MGA: variants seen among roughly 807,000 people sequenced by gnomAD.
MGA encodes the protein MAX dimerization protein MGA.
In MGA, 40 loss-of-function variants were observed where a neutral mutation model predicts 261.1. The ratio of observed to expected loss-of-function variants is 0.15; its 90% CI spans 0.12 to 0.20. The LOEUF (loss-of-function observed/expected upper bound fraction) is 0.20, where lower values mean the gene tolerates loss of function less well. MGA is among the 10% of genes least tolerant of loss of function. MGA has a pLI of 1.00. For synonymous variants in MGA, 1,302 were observed against 1,290.6 expected, an observed-to-expected ratio of 1.01 and a Z score of -0.19; for missense variants, 3,397 against 3,630.5, an observed-to-expected ratio of 0.94 and a Z score of 1.65.
intron 9 of MGA, chr15:41,718,363 A>C: frequency 1.5e-6 from 1 of 648,674 alleles, no homozygotes; most frequent in East Asian, 2.8e-5. Flanking sequence ...TTAGGTTCTT[A>C]AGAAGTTTAA....
At chr15:41,653,814 T>C (rs1230385244) in intron 1 of MGA, among the ~76,000 whole-genome samples, 1 of 152,182 alleles carries the variant, frequency 6.6e-6, no homozygotes, top group African/African-American at 2.4e-5. Context: ...TGCCTGGAGC[T>C]TAGTTTAAAC....
Position 41,742,759 on chromosome 15 carries a change from C to G in MGA, c.4799C>G (p.Thr1600Ser). Reference sequence around the variant, plus strand: ...CCTGTGACTGCTGCTGTCACTACTACCACCCCTCAAGTGTTTTTAGAAAAT... The same window carrying G: ...CCTGTGACTGCTGCTGTCACTACTAGCACCCCTCAAGTGTTTTTAGAAAAT... The change falls in exon 15 of 24, where the codon ACC (threonine) becomes AGC (serine). Residue 1600 changes from threonine (T) to serine (S), a missense_variant. Transcript: ENST00000219905. 1 of 1,613,978 alleles carries G rather than the reference C, an allele frequency of 6.2e-7. No homozygotes were observed. The highest frequency in any genetic ancestry group is 8.5e-7 in the Non-Finnish European group (1 of 1,179,864).
chr15:41,666,496 A>G (rs2057746400), intron 1 of MGA, among the ~76,000 whole-genome samples: 1 of 152,214 alleles, frequency 6.6e-6, no homozygotes, highest in Non-Finnish European at 1.5e-5. Context: ...CACTGCTTGG[A>G]TGATGGGATC....
intron 1 of MGA, chr15:41,621,352 G>A (rs1162830450): frequency 9.9e-5 from 15 of 152,248 alleles, no homozygotes. Context: ...TCCTCTTTAT[G>A]GGTTTAAATC....
intron 11 of MGA, among the ~76,000 whole-genome samples, chr15:41,732,493 C>T (rs2061563369): frequency 6.6e-6 from 1 of 152,146 alleles, no homozygotes; most frequent in Admixed American, 6.5e-5. Flanking sequence ...CTCAATCTGT[C>T]ATTTACTTGA....
intron 14 of MGA, among the ~76,000 whole-genome samples, chr15:41,740,452 CTGA>C (rs1216089549): frequency 3.3e-5 from 5 of 151,864 alleles, no homozygotes; most frequent in Admixed American, 2.6e-4. Context: ...TTTAATAACA[CTGA>C]CTTGAAGGCA....
chr15:41,713,078 G>T (rs1287909377), intron 8 of MGA, 73 bp from the exon 9 acceptor site: 15 of 1,559,460 alleles, frequency 9.6e-6, no homozygotes, highest in Non-Finnish European at 1.3e-5. Context: ...ATGCAGTCCA[G>T]TATATGACCA....
chr15:41,636,775 T>G (rs544131659), intron 1 of MGA, among the ~76,000 whole-genome samples: 1 of 152,042 alleles, frequency 6.6e-6, no homozygotes, highest in Non-Finnish European at 1.5e-5. Context: ...GGTGTCAAAC[T>G]CCTGACCTCA....
At chr15:41,715,316 A>T (rs1300269497) in intron 9 of MGA, among the ~76,000 whole-genome samples, 2 of 150,976 alleles carry the variant, frequency 1.3e-5, no homozygotes, top group Middle Eastern at 3.4e-3. Flanking sequence ...CACCTGGCTA[A>T]TTTTTCTATT....
Position 41,749,986 on chromosome 15 carries a change from T to G in MGA, c.6379T>G (p.Ser2127Ala), listed in dbSNP as rs1202591163. Residue 2127 changes from serine to alanine, a missense_variant, in exon 17 of 24, where the codon TCA becomes GCA. Physicochemically the swap from Ser to Ala is moderately conservative, Grantham distance 99. This residue lies in a region of MGA where 1,410 missense variants were observed against 1,386.4 expected (regional missense o/e 1.02). Coordinates refer to ENST00000219905, the MANE Select transcript of MGA (RefSeq NM_001164273.2). ...AGGATTTGACAATCCAGAAGAAAACTCAAGTGAATTTCCAGTCACCTTTAA... is the reference window on the plus strand; with the variant it reads ...AGGATTTGACAATCCAGAAGAAAACGCAAGTGAATTTCCAGTCACCTTTAA... 3 of 1,612,076 alleles carry G rather than the reference T, an allele frequency of 1.9e-6. No homozygotes were observed. The highest frequency in any genetic ancestry group is 3.4e-5 in the Admixed American group (2 of 59,428).
intron 1 of MGA, among the ~76,000 whole-genome samples, chr15:41,639,010 C>CT (rs1014721549): frequency 2.6e-5 from 4 of 152,026 alleles, no homozygotes; most frequent in African/African-American, 9.6e-5. Context: ...CACACCTGAC[C>CT]TTTTTTTGAT....
At chr15:41,627,329 T>C (rs1405354241) in intron 1 of MGA, among the ~76,000 whole-genome samples, 3 of 152,234 alleles carry the variant, frequency 2.0e-5, no homozygotes, top group African/African-American at 7.2e-5. Context: ...ACAGTACTTT[T>C]TGTAGTCATG....
At chr15:41,643,220 ATTTATTTTAT>A (rs950957908) in intron 1 of MGA, among the ~76,000 whole-genome samples, 4 of 132,662 alleles carry the variant, frequency 3.0e-5, no homozygotes, top group African/African-American at 8.1e-5. Flanking sequence ...TTTTTTTTTA[ATTTATTTTAT>A]TTTATTTTAT....
intron 11 of MGA, among the ~76,000 whole-genome samples, chr15:41,732,316 T>A (rs1055570930): frequency 8.6e-5 from 13 of 151,976 alleles, no homozygotes; most frequent in Admixed American, 2.6e-4. Context: ...CCCGGCTAAT[T>A]TTTTGTATTT....
intron 11 of MGA, among the ~76,000 whole-genome samples, chr15:41,730,186 A>C (rs2061439556): frequency 6.6e-6 from 1 of 151,936 alleles, no homozygotes. Context: ...GAGCCACTGC[A>C]CCCAGCCACA....
chr15:41,661,739 C>T (rs994547441), intron 1 of MGA, among the ~76,000 whole-genome samples: 2 of 152,204 alleles, frequency 1.3e-5, no homozygotes, highest in African/African-American at 2.4e-5. Flanking sequence ...ACTGCTTGCT[C>T]TGTTCGTTCT....
chr15:41,740,096 C>T lies in MGA; in HGVS notation c.4478C>T (p.Thr1493Ile). 3.1e-6 allele frequency: 5 copies of T among 1,614,022 alleles called. No homozygotes were observed. The highest frequency in any genetic ancestry group is 4.2e-6 in the Non-Finnish European group (5 of 1,179,896). Residue 1493 changes from threonine to isoleucine, a missense_variant, in exon 14 of 24, where the codon ACC becomes ATC. By Grantham distance (89) the Thr-to-Ile change is moderately conservative (BLOSUM62 -1). Around this residue, in one of 9 missense-constraint regions of MGA, gnomAD observed 1,410 missense variants for 1,386.4 expected, o/e 1.02. Transcript: ENST00000219905. Reference sequence around the variant, plus strand: ...GTGGCTGCATCCAGGAAACCACGTACCCTGTTGCCTTCAACATCCAATTCC... The same window carrying T: ...GTGGCTGCATCCAGGAAACCACGTATCCTGTTGCCTTCAACATCCAATTCC...
chr15:41,742,574 C>G lies in MGA; in HGVS notation c.4614C>G (p.Phe1538Leu), dbSNP rs1595935998. ...CTCGACCCTCTCCTGGTGGTGTGTT[C>G]ACACAGTTTGTGATGAGTAAAGTTG... The change falls in exon 15 of 24, where the codon TTC becomes TTG. Residue 1538 changes from phenylalanine to leucine, a missense_variant. Phe to Leu is a conservative substitution (Grantham distance 22). This residue lies in a region of MGA where 1,410 missense variants were observed against 1,386.4 expected (regional missense o/e 1.02). Coordinates refer to ENST00000219905, the MANE Select transcript of MGA (RefSeq NM_001164273.2). 1.2e-6 allele frequency: 2 copies of G among 1,613,750 alleles called. No individual in the cohort carries two copies. Among genetic ancestry groups the G allele is most frequent in the East Asian group, 2.2e-5 (1 of 44,882 alleles).
intron 3 of MGA, among the ~76,000 whole-genome samples, chr15:41,697,457 C>T (rs2059602774): frequency 7.0e-6 from 1 of 142,096 alleles, no homozygotes; most frequent in Non-Finnish European, 1.5e-5. Context: ...TGCTCTGTTG[C>T]CCAGGCTGGA....
Sources: gnomAD v4.1 joint callset for allele counts (sites outside exome capture counted in the v4.1 genomes callset) on GRCh38, gnomAD v4.1.1 for gene constraint, gnomAD v4.1.1 regional missense constraint, MANE v1.5 for transcripts, NCBI Gene and HGNC (gene_info 2026-07-23, HGNC 2026-07-21) for gene names.